Variants in KIF18A observed in about 807,000 individuals in gnomAD.
KIF18A encodes kinesin family member 18A.
Under a neutral mutation model 103.3 loss-of-function variants are expected in KIF18A, and 67 were observed. That is an observed-to-expected ratio of 0.65 (90% CI 0.53 to 0.79). KIF18A has a LOEUF of 0.79. Ranked by LOEUF, KIF18A falls within the 30% of genes least tolerant of loss-of-function variation. The pLI is 0.00. For missense variants in KIF18A, 1,032 were observed against 1,062.5 expected (o/e 0.97, Z 0.40); for synonymous variants, 367 against 355.5 (o/e 1.03, Z -0.36).
At chr11:28,102,466 A>G (rs1327903843) in intron 1 of KIF18A, among the ~76,000 whole-genome samples, 1 of 152,096 alleles carries the variant, frequency 6.6e-6, no homozygotes, top group Admixed American at 6.5e-5. Flanking sequence ...AATATAAAAA[A>G]CCACGCTGTA....
chr11:28,094,521 C>G, intron 3 of KIF18A, 122 bp downstream of exon 3: 1 of 760,776 alleles, frequency 1.3e-6, no homozygotes, highest in Middle Eastern at 4.1e-4. Flanking sequence ...AACAAATATT[C>G]AAGACAAGGA....
intron 15 of KIF18A, among the ~76,000 whole-genome samples, chr11:28,029,416 CAA>C (rs1277897648): frequency 6.6e-6 from 1 of 152,056 alleles, no homozygotes; most frequent in East Asian, 1.9e-4. Context: ...TACACAGAAC[CAA>C]AGACAAAAAC....
chr11:28,069,413 T>A lies in KIF18A; in HGVS notation c.1436A>T (p.Lys479Ile), dbSNP rs1213119019. The A allele has an allele frequency of 6.2e-7, 1 of 1,612,914 alleles. No individual in the cohort carries two copies. The highest frequency in any genetic ancestry group is 1.3e-5 in the African/African-American group (1 of 74,944). ...CAACATTGCAAGTCTATGATCTCGT[T>A]TTCCAGTGGCCTGAAACACGATTCA... is the stretch of plus-strand genomic sequence containing the variant. Reference protein sequence around the residue: ...SEDKVEKATGKRDHRLAMLKT... With the variant: ...SEDKVEKATGIRDHRLAMLKT... Residue 479 changes from lysine to isoleucine, a missense_variant, in exon 11 of 17, where the codon AAA becomes ATA. Transcript: ENST00000263181.
intron 13 of KIF18A, among the ~76,000 whole-genome samples, chr11:28,047,709 T>C (rs12288263): frequency 0.14 from 21,625 of 152,058 alleles, 1,734 homozygotes; most frequent in East Asian, 0.28. Flanking sequence ...ATAACATATA[T>C]AATAAACATA....
At position 28,094,519 on chromosome 11, in the gene KIF18A, T is replaced by C. The variant is rs1590710343; in HGVS notation, c.483+124A>G. The stretch of plus-strand genomic sequence containing the variant: ...AACAGAAAAAGATGCATAACAAATA[T>C]TCAAGACAAGGAATTTTAATGATTT... On this transcript the variant is annotated intron_variant, in intron 3 of 16. Transcript: ENST00000263181. 3.4e-5 allele frequency: 27 copies of C among 786,658 alleles called. No individual in the cohort carries two copies. In the East Asian group the frequency reaches 6.6e-4, roughly 19 times the overall value. The allele number at this position is 786,658 out of a possible 1,614,324, so 48.7% of individuals were successfully genotyped here.
chr11:28,094,553 C>T (rs1333270679), intron 3 of KIF18A, 90 bp downstream of exon 3: 1 of 824,968 alleles, frequency 1.2e-6, no homozygotes, highest in Middle Eastern at 3.5e-4. Flanking sequence ...TTTATATATT[C>T]ACCGGAAAAC....
At chr11:28,033,867 T>C (rs975045587) in intron 15 of KIF18A, among the ~76,000 whole-genome samples, 1 of 151,714 alleles carries the variant, frequency 6.6e-6, no homozygotes, top group African/African-American at 2.4e-5. Context: ...AATTAGATTG[T>C]TTATAACACA....
At chr11:28,105,807 T>C (rs999033299) in intron 1 of KIF18A, among the ~76,000 whole-genome samples, 2 of 152,222 alleles carry the variant, frequency 1.3e-5, no homozygotes, top group African/African-American at 2.4e-5. Flanking sequence ...GTGATAATTA[T>C]TAATAATGAA....
Position 28,036,359 on chromosome 11 carries a change from C to G in KIF18A, c.2254G>C (p.Ala752Pro). Residue 752 changes from alanine to proline, a missense_variant, in exon 14 of 17, where the codon GCT becomes CCT. By Grantham distance (27) the Ala-to-Pro change is conservative. Coordinates refer to ENST00000263181, the MANE Select transcript of KIF18A (RefSeq NM_031217.4). Reference protein sequence around the residue: ...DNCLKMLCEVAIPHNRRKECG... With the variant: ...DNCLKMLCEVPIPHNRRKECG... The stretch of plus-strand genomic sequence containing the variant: ...TCTTTTCTTCTATTATGAGGGATAG[C>G]TACTTCACACAACATTTTCAGACAA... The G allele has an allele frequency of 1.2e-6, 2 of 1,611,274 alleles. No homozygotes were observed. Among genetic ancestry groups the G allele is most frequent in the Non-Finnish European group, 1.7e-6 (2 of 1,178,208 alleles).
intron 13 of KIF18A, among the ~76,000 whole-genome samples, chr11:28,039,804 A>T (rs1443723926): frequency 2.6e-5 from 4 of 151,754 alleles, no homozygotes; most frequent in African/African-American, 9.7e-5. Flanking sequence ...GTGGTAGTTA[A>T]TGTGGATTTA....
intron 1 of KIF18A, among the ~76,000 whole-genome samples, chr11:28,104,275 TA>T (rs1057270473): frequency 1.3e-5 from 2 of 152,192 alleles, no homozygotes; most frequent in African/African-American, 4.8e-5. Context: ...ATCATAAGAA[TA>T]AAATACAAAC....
Position 28,020,933 on chromosome 11 carries a change from A to T in KIF18A, c.*267T>A, listed in dbSNP as rs902650413. 2.1e-5 allele frequency: 4 copies of T among 191,096 alleles called. No individual in the cohort carries two copies. Among genetic ancestry groups the T allele is most frequent in the Admixed American group, 6.1e-5 (1 of 16,326 alleles). 11.8% of individuals were successfully genotyped at this position (191,096 alleles called of 1,614,324 possible). A position where few individuals can be genotyped will look rare whatever the true frequency, so the allele number is the denominator to read the frequency against. ...TGTGGCATAGTAAAACTAAGCTGCC[A>T]CCATGGTAACTTACACTCAGGGATT... On this transcript the variant is annotated 3_prime_UTR_variant, in exon 17 of 17. Transcript: ENST00000263181.
chr11:28,085,547 C>G (rs953671788), intron 6 of KIF18A, among the ~76,000 whole-genome samples: 2 of 152,204 alleles, frequency 1.3e-5, no homozygotes, highest in Non-Finnish European at 2.9e-5. Flanking sequence ...TGCGCCATCT[C>G]TCTCTCTGTT....
In KIF18A at chr11:28,069,575, T is replaced by G. The variant is rs1850983275; in HGVS notation, c.1426-152A>C. ...TTAAAGCTATTTCCCCCTTGAAATC[T>G]CAGAATACTACTGCTTGCAAGAAAA... On this transcript the variant is annotated intron_variant, in intron 10 of 16. Transcript: ENST00000263181. 5.8e-6 allele frequency: 4 copies of G among 687,088 alleles called. No individual in the cohort carries two copies. In the East Asian group the frequency reaches 1.2e-4, roughly 20 times the overall value. 42.6% of individuals were successfully genotyped at this position (687,088 alleles called of 1,614,324 possible). A position where few individuals can be genotyped will look rare whatever the true frequency, so the allele number is the denominator to read the frequency against.
intron 2 of KIF18A, among the ~76,000 whole-genome samples, chr11:28,095,761 G>A (rs1278778474): frequency 6.6e-6 from 1 of 151,932 alleles, no homozygotes; most frequent in Non-Finnish European, 1.5e-5. Flanking sequence ...TACAATCCCA[G>A]TACTTTGGAC....
At chr11:28,061,193 G>A (rs1006607323) in intron 12 of KIF18A, among the ~76,000 whole-genome samples, 17 of 152,010 alleles carry the variant, frequency 1.1e-4, no homozygotes, top group Non-Finnish European at 2.4e-4. Context: ...TATATGAAAT[G>A]TATTATAATC....
At position 28,097,792 on chromosome 11, in the gene KIF18A, A is replaced by AG. The variant is rs771861348; in HGVS notation, c.155_156insC (p.His55ProfsTer16). On this transcript the variant is annotated frameshift_variant, in exon 2 of 17. Transcript: ENST00000263181. LOFTEE classifies it high-confidence loss of function. ...TTGTAGTTTTCTTTCCATGGAAAAAACTGACTTCTTCTTGTTTGGGATCAA... is the reference window on the plus strand; with the variant it reads ...TTGTAGTTTTCTTTCCATGGAAAAAAGCTGACTTCTTCTTGTTTGGGATCAA... The AG allele has an allele frequency of 5.0e-6, 8 of 1,613,342 alleles. No individual in the cohort carries two copies. Among genetic ancestry groups the AG allele is most frequent in the Non-Finnish European group, 6.8e-6 (8 of 1,179,532 alleles).
intron 15 of KIF18A, among the ~76,000 whole-genome samples, chr11:28,031,148 G>C (rs1402530676): frequency 3.9e-5 from 6 of 152,146 alleles, no homozygotes; most frequent in African/African-American, 1.4e-4. Context: ...TCTAGAACTA[G>C]AAATACCATT....
chr11:28,080,033 G>A (rs1449118063), intron 9 of KIF18A, among the ~76,000 whole-genome samples: 1 of 152,068 alleles, frequency 6.6e-6, no homozygotes, highest in Admixed American at 6.6e-5. Context: ...GGCTCAATAA[G>A]TAGATTAGTT....
Sources: gnomAD v4.1 joint callset for allele counts (sites outside exome capture counted in the v4.1 genomes callset) on GRCh38, gnomAD v4.1.1 for gene constraint, MANE v1.5 for transcripts, NCBI Gene and HGNC (gene_info 2026-07-23, HGNC 2026-07-21) for gene names.